The following SPMIP2 variants were observed in gnomAD, a reference collection of about 807,000 sequenced individuals.
SPMIP2 encodes the protein sperm microtubule inner protein 2.
the SPMIP2 span, among the ~76,000 whole-genome samples, chr4:158,990,183 T>C: frequency 1.3e-5 from 2 of 152,194 alleles, no homozygotes; most frequent in African/African-American, 4.8e-5. Context: ...TTAGATTCCA[T>C]CTCACACCAG....
the SPMIP2 span, among the ~76,000 whole-genome samples, chr4:158,991,287 A>T: frequency 6.6e-6 from 1 of 152,214 alleles, no homozygotes; most frequent in Non-Finnish European, 1.5e-5. Flanking sequence ...AAGACCTTGG[A>T]GACAGAATCT....
At chr4:159,068,067 G>C in the SPMIP2 span, among the ~76,000 whole-genome samples, 1 of 152,202 alleles carries the variant, frequency 6.6e-6, no homozygotes. Flanking sequence ...TGGTGGGACT[G>C]TAAACTAGTT....
the SPMIP2 span, among the ~76,000 whole-genome samples, chr4:158,898,867 C>T: frequency 3.9e-5 from 6 of 152,170 alleles, no homozygotes; most frequent in Non-Finnish European, 8.8e-5. Flanking sequence ...ACTTCCAATA[C>T]TATGTTGAAT....
the SPMIP2 span, among the ~76,000 whole-genome samples, chr4:158,968,996 T>C: frequency 1.3e-5 from 2 of 152,078 alleles, no homozygotes; most frequent in Non-Finnish European, 2.9e-5. Flanking sequence ...TGTTGATGAG[T>C]TCCCACGATT....
chr4:159,081,672 G>T, the SPMIP2 span, among the ~76,000 whole-genome samples: 1 of 151,906 alleles, frequency 6.6e-6, no homozygotes, highest in African/African-American at 2.4e-5. Context: ...TCCAGCCTGG[G>T]TGACAGAGTG....
At chr4:159,048,160 A>T in the SPMIP2 span, among the ~76,000 whole-genome samples, 1 of 152,148 alleles carries the variant, frequency 6.6e-6, no homozygotes, top group Non-Finnish European at 1.5e-5. Context: ...CCTCCAAAGC[A>T]TGGTATTTGA....
At chr4:159,032,946 G>A in the SPMIP2 span, among the ~76,000 whole-genome samples, 3 of 151,912 alleles carry the variant, frequency 2.0e-5, no homozygotes, top group Non-Finnish European at 4.4e-5. Context: ...TACTCTCCTA[G>A]GTATTTACCA....
At chr4:158,928,852 A>G in the SPMIP2 span, among the ~76,000 whole-genome samples, 1 of 151,896 alleles carries the variant, frequency 6.6e-6, no homozygotes, top group Non-Finnish European at 1.5e-5. Context: ...GTGCTGCTTT[A>G]AGAGCTGTTA....
At chr4:159,078,054 G>A in the SPMIP2 span, among the ~76,000 whole-genome samples, 1 of 152,086 alleles carries the variant, frequency 6.6e-6, no homozygotes, top group East Asian at 1.9e-4. Context: ...AAAAGCAGAG[G>A]ACTGGGGAGA....
the SPMIP2 span, among the ~76,000 whole-genome samples, chr4:158,997,760 C>A: frequency 2.0e-5 from 3 of 152,136 alleles, no homozygotes; most frequent in Non-Finnish European, 4.4e-5. Flanking sequence ...CCAAATAATT[C>A]CCCCACCTCA....
At chr4:159,008,312 C>A in the SPMIP2 span, among the ~76,000 whole-genome samples, 4,822 of 152,280 alleles carry the variant, frequency 0.032, 238 homozygotes, top group African/African-American at 0.11. Context: ...GTGGCTCATG[C>A]CTGTAATCCC....
At chr4:159,070,120 T>C in the SPMIP2 span, among the ~76,000 whole-genome samples, 1 of 152,092 alleles carries the variant, frequency 6.6e-6, no homozygotes, top group Non-Finnish European at 1.5e-5. Flanking sequence ...TGGTTCTTAT[T>C]ACACCCTGCC....
chr4:159,063,370 C>G, the SPMIP2 span, among the ~76,000 whole-genome samples: 1 of 151,902 alleles, frequency 6.6e-6, no homozygotes, highest in South Asian at 2.1e-4. Context: ...ACCAGCATGG[C>G]CAACATGGTG....
the SPMIP2 span, among the ~76,000 whole-genome samples, chr4:158,936,642 T>C: frequency 6.6e-6 from 1 of 152,232 alleles, no homozygotes; most frequent in African/African-American, 2.4e-5. Context: ...ACAAGCCTTC[T>C]TTCCCTGTTA....
At chr4:159,052,126 G>A in the SPMIP2 span, among the ~76,000 whole-genome samples, 16 of 152,278 alleles carry the variant, frequency 1.1e-4, no homozygotes, top group Non-Finnish European at 1.6e-4. Flanking sequence ...AAAGAGATGA[G>A]TTCTCCAGGC....
chr4:159,007,168 G>A, the SPMIP2 span: 2 of 950,172 alleles, frequency 2.1e-6, no homozygotes, highest in Non-Finnish European at 3.3e-6. Flanking sequence ...CTGTAAACAG[G>A]TGGAGATCTT....
chr4:158,949,700 AAATTC>A, the SPMIP2 span, among the ~76,000 whole-genome samples: 38 of 152,350 alleles, frequency 2.5e-4, no homozygotes, highest in African/African-American at 8.4e-4. Context: ...TGGGAAGGAT[AAATTC>A]CTAGTGAACC....
At chr4:158,990,534 T>C in the SPMIP2 span, among the ~76,000 whole-genome samples, 3 of 152,176 alleles carry the variant, frequency 2.0e-5, no homozygotes, top group Non-Finnish European at 4.4e-5. Context: ...GTGCCACATA[T>C]ACACCATGGA....
chr4:158,992,675 T>C, the SPMIP2 span, among the ~76,000 whole-genome samples: 1 of 152,152 alleles, frequency 6.6e-6, no homozygotes, highest in Admixed American at 6.5e-5. Flanking sequence ...TGCTGGCAGG[T>C]TGTGTGATGA....
Sources: gnomAD v4.1 joint callset for allele counts (sites outside exome capture counted in the v4.1 genomes callset) on GRCh38, gnomAD v4.1.1 for gene constraint, MANE v1.5 for transcripts, NCBI Gene and HGNC (gene_info 2026-07-23, HGNC 2026-07-21) for gene names.